Variants in PCSK5 observed in about 807,000 individuals in gnomAD.
PCSK5 encodes the protein prohormone convertase 5.
In PCSK5, 129 loss-of-function variants were observed where a neutral mutation model predicts 233.2. The observed-to-expected ratio is 0.55, with a 90% CI of 0.48 to 0.64. PCSK5 has a LOEUF of 0.64. Among genes scored for constraint, PCSK5 ranks in the 30% least tolerant of loss-of-function variants. The pLI is 0.00. For synonymous variants in PCSK5, 825 were observed against 879.2 expected (o/e 0.94, Z 1.09); for missense variants, 2,076 against 2,430.1 (o/e 0.85, Z 3.06).
At chr9:76,041,441 T>G (rs1829111842) in intron 5 of PCSK5, among the ~76,000 whole-genome samples, 1 of 152,180 alleles carries the variant, frequency 6.6e-6, no homozygotes, top group Admixed American at 6.5e-5. Context: ...AGCCAGACAT[T>G]TCTTATTTTC....
At chr9:76,041,719 G>A (rs572563888) in intron 5 of PCSK5, among the ~76,000 whole-genome samples, 1 of 151,588 alleles carries the variant, frequency 6.6e-6, no homozygotes, top group Non-Finnish European at 1.5e-5. Context: ...TGTGCCTGTA[G>A]TCCCAGCTAC....
intron 9 of PCSK5, among the ~76,000 whole-genome samples, chr9:76,108,801 T>A (rs1458428681): frequency 6.6e-6 from 1 of 152,166 alleles, no homozygotes; most frequent in Non-Finnish European, 1.5e-5. Context: ...ACAGGTAGTT[T>A]CCCAGCATTC....
chr9:76,009,526 C>A (rs1827633661), intron 3 of PCSK5, among the ~76,000 whole-genome samples: 1 of 151,390 alleles, frequency 6.6e-6, no homozygotes, highest in African/African-American at 2.4e-5. Context: ...ACTCGGGAGG[C>A]TGAGGCAGGA....
intron 34 of PCSK5, among the ~76,000 whole-genome samples, chr9:76,334,620 A>G (rs1829626670): frequency 6.6e-6 from 1 of 152,330 alleles, no homozygotes; most frequent in Non-Finnish European, 1.5e-5. Flanking sequence ...CATCCCAGCT[A>G]CTTGGGAGGC....
chr9:76,186,261 T>G (rs956354898), intron 17 of PCSK5, among the ~76,000 whole-genome samples: 2 of 152,220 alleles, frequency 1.3e-5, no homozygotes, highest in Non-Finnish European at 2.9e-5. Context: ...ATGAGAAATA[T>G]TTGATCTTTA....
chr9:76,330,414 C>A (rs189120729), intron 33 of PCSK5, among the ~76,000 whole-genome samples: 57 of 152,152 alleles, frequency 3.7e-4, no homozygotes, highest in Middle Eastern at 6.8e-3. Flanking sequence ...TTTTCTCCCC[C>A]ACCAGGAGAG....
At chr9:75,950,968 A>C (rs1412696392) in intron 2 of PCSK5, among the ~76,000 whole-genome samples, 1 of 152,242 alleles carries the variant, frequency 6.6e-6, no homozygotes, top group Non-Finnish European at 1.5e-5. Context: ...GATTATAGGC[A>C]AAGCAACCAT....
chr9:75,924,666 C>A (rs544365875), intron 1 of PCSK5, among the ~76,000 whole-genome samples: 1 of 152,250 alleles, frequency 6.6e-6, no homozygotes. Flanking sequence ...TGGCAATTCT[C>A]TTTTTGCATC....
chr9:76,327,102 A>ATT (rs56100078), intron 32 of PCSK5, among the ~76,000 whole-genome samples: 20,935 of 128,026 alleles, frequency 0.16, 1,843 homozygotes, highest in Non-Finnish European at 0.2. Context: ...GCCCATCTCT[A>ATT]TTTTTTTTTT....
intron 12 of PCSK5, among the ~76,000 whole-genome samples, chr9:76,168,898 A>T (rs1823206103): frequency 6.6e-6 from 1 of 152,058 alleles, no homozygotes; most frequent in Non-Finnish European, 1.5e-5. Flanking sequence ...GCAACCACTG[A>T]TCTGTTTCTT....
chr9:75,934,253 T>C (rs1246127839), intron 2 of PCSK5, among the ~76,000 whole-genome samples: 1 of 152,100 alleles, frequency 6.6e-6, no homozygotes, highest in Non-Finnish European at 1.5e-5. Flanking sequence ...CACAACTTAC[T>C]CTCCATTCCA....
chr9:76,327,260 C>T (rs907831426), intron 32 of PCSK5, among the ~76,000 whole-genome samples: 18 of 152,174 alleles, frequency 1.2e-4, no homozygotes, highest in South Asian at 1.0e-3. Context: ...GCACCCGCCA[C>T]CATGCCCAGC....
intron 20 of PCSK5, among the ~76,000 whole-genome samples, chr9:76,211,210 G>T (rs1014168913): frequency 6.6e-6 from 1 of 152,204 alleles, no homozygotes; most frequent in African/African-American, 2.4e-5. Context: ...ATAACTGAAA[G>T]TTTGCCATGT....
At chr9:75,903,600 ATAT>A (rs1564071305) in intron 1 of PCSK5, among the ~76,000 whole-genome samples, 53 of 133,602 alleles carry the variant, frequency 4.0e-4, no homozygotes, top group African/African-American at 1.5e-3. Context: ...AATATATATT[ATAT>A]ATATATATTA....
chr9:75,988,460 T>G (rs1826622998), intron 3 of PCSK5, among the ~76,000 whole-genome samples: 1 of 151,936 alleles, frequency 6.6e-6, no homozygotes, highest in African/African-American at 2.4e-5. Flanking sequence ...TTTTGTAGTT[T>G]TTGTAGAAGA....
At chr9:76,219,769 T>A (rs540384225) in intron 20 of PCSK5, among the ~76,000 whole-genome samples, 1 of 152,332 alleles carries the variant, frequency 6.6e-6, no homozygotes, top group East Asian at 1.9e-4. Context: ...CTCAGCCCTT[T>A]CAAGTCATTC....
intron 9 of PCSK5, among the ~76,000 whole-genome samples, 163 bp downstream of exon 9, chr9:76,107,514 C>T (rs1832028386): frequency 6.6e-6 from 1 of 152,124 alleles, no homozygotes; most frequent in African/African-American, 2.4e-5. Flanking sequence ...AAAAAATTCC[C>T]CTATATTAAG....
chr9:76,316,603 C>T (rs933361111), intron 30 of PCSK5, among the ~76,000 whole-genome samples: 25 of 150,826 alleles, frequency 1.7e-4, no homozygotes, highest in African/African-American at 4.9e-4. Context: ...CCCAGTGTGG[C>T]GGCACACACC....
intron 1 of PCSK5, among the ~76,000 whole-genome samples, chr9:75,899,544 C>T (rs1442987206): frequency 6.6e-6 from 1 of 152,166 alleles, no homozygotes; most frequent in Non-Finnish European, 1.5e-5. Context: ...CCTCCCTCTC[C>T]TCACCCCGGT....
Sources: gnomAD v4.1 joint callset for allele counts (sites outside exome capture counted in the v4.1 genomes callset) on GRCh38, gnomAD v4.1.1 for gene constraint, MANE v1.5 for transcripts, NCBI Gene and HGNC (gene_info 2026-07-23, HGNC 2026-07-21) for gene names.